The following EYS variants were observed in gnomAD, a reference collection of about 807,000 sequenced individuals.
The protein encoded by EYS is protein eyes shut homolog.
Under a neutral mutation model 282.1 loss-of-function variants are expected in EYS, and 250 were observed. That is an observed-to-expected ratio of 0.89 (90% CI 0.80 to 0.98). EYS has a LOEUF of 0.98. Among genes scored for constraint, EYS ranks in the 50% least tolerant of loss-of-function variants. The probability of loss-of-function intolerance (pLI) is 0.00; values close to 1 mark genes in which losing one functional copy is unlikely to be tolerated. For synonymous variants in EYS, 1,355 were observed against 1,282.9 expected (o/e 1.06, Z -1.20); for missense variants, 4,016 against 3,709.0 (o/e 1.08, Z -2.15).
At chr6:63,912,068 C>T (rs570846159) in intron 35 of EYS, among the ~76,000 whole-genome samples, 2 of 152,174 alleles carry the variant, frequency 1.3e-5, no homozygotes, top group Middle Eastern at 3.4e-3. Context: ...CATGCAGATC[C>T]TTGAAGCCCT....
chr6:64,198,477 G>A (rs1765365851), intron 31 of EYS, among the ~76,000 whole-genome samples: 1 of 151,756 alleles, frequency 6.6e-6, no homozygotes, highest in Non-Finnish European at 1.5e-5. Context: ...CCCTCCCCTG[G>A]CCCCCCACTC....
intron 26 of EYS, among the ~76,000 whole-genome samples, chr6:64,555,527 A>ATG (rs968079562): frequency 3.9e-5 from 6 of 151,982 alleles, no homozygotes; most frequent in African/African-American, 1.4e-4. Context: ...GAGGTAATGC[A>ATG]TGTGTTAATT....
At chr6:63,784,075 T>C (rs1353300808) in intron 39 of EYS, among the ~76,000 whole-genome samples, 2 of 152,166 alleles carry the variant, frequency 1.3e-5, no homozygotes, top group African/African-American at 4.8e-5. Flanking sequence ...GACTGAAACA[T>C]TGGCTTTTCT....
At chr6:64,896,498 A>G (rs550062234) in intron 18 of EYS, among the ~76,000 whole-genome samples, 2 of 151,612 alleles carry the variant, frequency 1.3e-5, no homozygotes, top group African/African-American at 4.9e-5. Context: ...CAAGCAAAAA[A>G]CTGGGTGGCC....
chr6:65,423,825 T>G (rs1437440473), intron 5 of EYS, among the ~76,000 whole-genome samples: 1 of 151,998 alleles, frequency 6.6e-6, no homozygotes, highest in Admixed American at 6.6e-5. Flanking sequence ...ATTTTATCTC[T>G]CTGTCTAGTC....
chr6:64,396,038 C>T (rs1179742156), intron 28 of EYS, among the ~76,000 whole-genome samples: 1 of 151,992 alleles, frequency 6.6e-6, no homozygotes, highest in Non-Finnish European at 1.5e-5. Context: ...CTAGACTACT[C>T]CACCACAACA....
chr6:65,542,015 T>G (rs943645918), intron 2 of EYS, among the ~76,000 whole-genome samples: 1 of 152,136 alleles, frequency 6.6e-6, no homozygotes, highest in African/African-American at 2.4e-5. Flanking sequence ...AAAGAGAGCT[T>G]ACACAAATCA....
At chr6:65,674,641 C>A (rs1178200671) in intron 1 of EYS, among the ~76,000 whole-genome samples, 1 of 151,738 alleles carries the variant, frequency 6.6e-6, no homozygotes. Context: ...ACAAATCTGT[C>A]CTTCAAAAAT....
chr6:65,534,753 G>A (rs904175267), intron 2 of EYS, among the ~76,000 whole-genome samples: 12 of 152,084 alleles, frequency 7.9e-5, no homozygotes, highest in East Asian at 5.8e-4. Context: ...TTTTTCCACC[G>A]TAAAGCTTCA....
At chr6:64,117,463 T>A (rs1428887511) in intron 31 of EYS, among the ~76,000 whole-genome samples, 1 of 151,236 alleles carries the variant, frequency 6.6e-6, no homozygotes, top group African/African-American at 2.4e-5. Flanking sequence ...TTAAGAAAGC[T>A]TTAGCTGGAC....
chr6:63,762,542 T>C lies in EYS; in HGVS notation c.7990A>G (p.Arg2664Gly). The C allele has an allele frequency of 2.6e-6, 4 of 1,550,514 alleles. No individual in the cohort carries two copies. Among genetic ancestry groups the C allele is most frequent in the Non-Finnish European group, 3.5e-6 (4 of 1,146,146 alleles). Residue 2664 changes from arginine (R) to glycine (G), a missense_variant, in exon 41 of 43, where the codon AGA becomes GGA. Physicochemically the swap from Arg to Gly is moderately radical, Grantham distance 125. Coordinates refer to ENST00000503581, the MANE Select transcript of EYS (RefSeq NM_001142800.2). ...GGTAATGAAATGCAGGTTGCTCCTC[T>C]GCTACAGTGGTGTGGAGGGTCATGT... ...PEHDPPHHCS[R>G]GATCISLPHG...
intron 5 of EYS, among the ~76,000 whole-genome samples, chr6:65,485,606 A>G (rs1765755256): frequency 6.6e-6 from 1 of 152,166 alleles, no homozygotes; most frequent in South Asian, 2.1e-4. Flanking sequence ...AAAGTTTGGG[A>G]CCAGCCTGGC....
chr6:65,301,060 A>G (rs1178122250), intron 11 of EYS: 1 of 152,226 alleles, frequency 6.6e-6, no homozygotes. Flanking sequence ...GATGAGTACA[A>G]TGCCTGTCTT....
Position 64,637,279 on chromosome 6 carries a change from T to A in EYS, c.3444-11034A>T, listed in dbSNP as rs528979502. ...TATGCAGCCATAAAAAATGAAGAGT[T>A]CATGTCCTTTGTAGGGACATGGATG... On this transcript the variant is annotated intron_variant, in intron 22 of 42. Transcript: ENST00000503581. 2.2e-5 allele frequency among the ~76,000 whole-genome samples: 2 copies of A among 90,930 alleles called. 1 individual carries two copies. Among genetic ancestry groups the A allele is most frequent in the Non-Finnish European group, 4.7e-5 (2 of 42,222 alleles). 59.7% of individuals were successfully genotyped at this position (90,930 alleles called of 152,430 possible).
chr6:63,734,752 TGTG>T (rs1292397870), intron 41 of EYS, among the ~76,000 whole-genome samples: 1 of 152,062 alleles, frequency 6.6e-6, no homozygotes, highest in East Asian at 1.9e-4. Flanking sequence ...TTGGAGAAGA[TGTG>T]GAGCTCAGGT....
Position 63,969,325 on chromosome 6 carries a change from C to T in EYS, c.7055+15058G>A, listed in dbSNP as rs529646870. ...TATAAAATCAATACAGATGGTAACACCAGTAAAAATCTTAGAAACCAGATT... is the reference window on the plus strand; with the variant it reads ...TATAAAATCAATACAGATGGTAACATCAGTAAAAATCTTAGAAACCAGATT... On this transcript the variant is annotated intron_variant, in intron 35 of 42. Transcript: ENST00000503581. Among the ~76,000 whole-genome samples, 20 of 152,198 alleles carry T rather than the reference C, an allele frequency of 1.3e-4. No homozygotes were observed. The South Asian group carries it at 4.1e-3, about 32-fold the overall frequency.
chr6:63,756,703 G>A (rs368453375), intron 41 of EYS, among the ~76,000 whole-genome samples: 7 of 152,168 alleles, frequency 4.6e-5, no homozygotes, highest in Admixed American at 2.0e-4. Context: ...CTGGAGCCAC[G>A]GCAGAGGAAC....
chr6:65,285,187 A>G (rs1424627951), intron 12 of EYS, among the ~76,000 whole-genome samples: 2 of 152,048 alleles, frequency 1.3e-5, no homozygotes, highest in Non-Finnish European at 2.9e-5. Flanking sequence ...ATTGTGTTTA[A>G]ATTTGTGTTA....
intron 5 of EYS, among the ~76,000 whole-genome samples, chr6:65,422,878 C>A (rs2150378218): frequency 6.6e-6 from 1 of 151,552 alleles, no homozygotes; most frequent in African/African-American, 2.4e-5. Flanking sequence ...TACAAAGGAA[C>A]AACAGACAAG....
Sources: gnomAD v4.1 joint callset for allele counts (sites outside exome capture counted in the v4.1 genomes callset) on GRCh38, gnomAD v4.1.1 for gene constraint, MANE v1.5 for transcripts, NCBI Gene and HGNC (gene_info 2026-07-23, HGNC 2026-07-21) for gene names.